ACVR1B: variants seen among roughly 807,000 people sequenced by gnomAD.
ACVR1B encodes the protein activin receptor type-1B.
In ACVR1B, 15 loss-of-function variants were observed where a neutral mutation model predicts 55.6. The ratio of observed to expected loss-of-function variants is 0.27; its 90% confidence interval spans 0.18 to 0.42. The LOEUF is 0.42. Among genes scored for constraint, ACVR1B ranks in the 10% least tolerant of loss-of-function variants. The pLI is 1.00. For missense variants in ACVR1B, 359 were observed against 670.1 expected, an observed-to-expected ratio of 0.54 and a Z score of 5.13; for synonymous variants, 247 against 254.6, an observed-to-expected ratio of 0.97 and a Z score of 0.28.
At chr12:51,966,990 C>T (rs562689771) in intron 1 of ACVR1B, among the ~76,000 whole-genome samples, 37 of 152,288 alleles carry the variant, frequency 2.4e-4, no homozygotes, top group Admixed American at 1.4e-3. Flanking sequence ...CCTGTAATCC[C>T]AGCACTTTGG....
chr12:51,973,628 CTT>C, intron 1 of ACVR1B, among the ~76,000 whole-genome samples: 2 of 152,292 alleles, frequency 1.3e-5, no homozygotes, highest in South Asian at 4.2e-4. Context: ...GAGAAATTTA[CTT>C]TTAAAAATCC....
rs780380826 is a variant in ACVR1B, at chr12:51,981,941, C to T, written c.811+742C>T. On this transcript the variant is annotated intron_variant, in intron 4 of 8. Coordinates refer to ENST00000257963, the MANE Select transcript of ACVR1B (RefSeq NM_004302.5). ...TAACGACAGAAAAGCCTGTAGTCCA[C>T]GAAGTGTCGCCTTCGGACTCTGCTC... Among the ~76,000 whole-genome samples the T allele has an allele frequency of 5.3e-5, 8 of 152,206 alleles. No individual in the cohort carries two copies. In the South Asian group the frequency reaches 1.2e-3, roughly 24 times the overall value.
intron 1 of ACVR1B, among the ~76,000 whole-genome samples, chr12:51,957,135 C>T (rs1941426673): frequency 6.6e-6 from 1 of 151,962 alleles, no homozygotes; most frequent in Admixed American, 6.6e-5. Context: ...TGCTCTGTCA[C>T]CCAGGCTGTA....
chr12:51,953,601 A>C, intron 1 of ACVR1B: 1 of 919,752 alleles, frequency 1.1e-6, no homozygotes, highest in Middle Eastern at 5.5e-4. Flanking sequence ...TAGTAAAAAA[A>C]AAAAAAAAGG....
chr12:51,952,116 C>T (rs1031883456), intron 1 of ACVR1B, among the ~76,000 whole-genome samples: 3 of 152,094 alleles, frequency 2.0e-5, no homozygotes, highest in Admixed American at 6.5e-5. Context: ...TCCCAGCGCC[C>T]TCGTGTTCCA....
Position 51,980,717 on chromosome 12 carries a change from T to C in ACVR1B, c.581-252T>C, listed in dbSNP as rs149398446. On this transcript the variant is annotated intron_variant, in intron 3 of 8. Coordinates refer to ENST00000257963, the MANE Select transcript of ACVR1B (RefSeq NM_004302.5). The stretch of plus-strand genomic sequence containing the variant: ...ATCCGTGCTTACTGAGAGGAGAAAT[T>C]GCCTAGATAAGGAGTAGCTAATCAT... 5.9e-5 allele frequency among the ~76,000 whole-genome samples: 9 copies of C among 152,324 alleles called. No homozygotes were observed. The East Asian group carries it at 1.7e-3, about 29-fold the overall frequency.
In ACVR1B at chr12:51,983,987, G is replaced by A. The variant is rs751273698; in HGVS notation, c.812-12G>A. On this transcript the variant is annotated splice_polypyrimidine_tract_variant and intron_variant, in intron 4 of 8. Transcript: ENST00000257963. ...TACACTTTTTCTGGGACTCATCTGT[G>A]GTTCTCTGCAGATAATGGCACCTGG... 1.2e-6 allele frequency: 2 copies of A among 1,614,076 alleles called. No individual in the cohort carries two copies. The highest frequency in any genetic ancestry group is 3.3e-5 in the Admixed American group (2 of 60,024).
intron 1 of ACVR1B, among the ~76,000 whole-genome samples, chr12:51,974,212 C>T (rs1941800811): frequency 1.3e-5 from 2 of 152,180 alleles, no homozygotes; most frequent in Admixed American, 1.3e-4. Flanking sequence ...TTCCGAGCCC[C>T]AGCCTCAGTG....
chr12:51,971,656 T>C lies in ACVR1B; in HGVS notation c.92-3609T>C, dbSNP rs79660488. 4.3e-4 allele frequency among the ~76,000 whole-genome samples: 66 copies of C among 152,330 alleles called. 2 individuals carry two copies. In the East Asian group the frequency reaches 0.011, roughly 26 times the overall value. On this transcript the variant is annotated intron_variant, in intron 1 of 8. Coordinates refer to ENST00000257963, the MANE Select transcript of ACVR1B (RefSeq NM_004302.5). ...AAGATTTACAGTAAATTTAGATGTT[T>C]TTATAATTTATCACTTTTGTTTCAG...
chr12:51,970,107 G>A lies in ACVR1B; in HGVS notation c.92-5158G>A, dbSNP rs139605986. On this transcript the variant is annotated intron_variant, in intron 1 of 8. Transcript: ENST00000257963. ...GCTCTTTGGTCAGAAAACCAATAGC[G>A]CATTTGATACGGGGAGGGTAAGAAT... is the stretch of plus-strand genomic sequence containing the variant. Among the ~76,000 whole-genome samples the A allele has an allele frequency of 6.6e-5, 10 of 152,276 alleles. No homozygotes were observed. In the East Asian group the frequency reaches 1.7e-3, roughly 26 times the overall value.
At chr12:51,984,780 C>T (rs918058486) in intron 5 of ACVR1B, among the ~76,000 whole-genome samples, 21 of 152,232 alleles carry the variant, frequency 1.4e-4, no homozygotes, top group African/African-American at 5.1e-4. Flanking sequence ...TTCCTATAGC[C>T]TGTGCGGTGC....
Position 51,994,177 on chromosome 12 carries a change from C to T in ACVR1B, c.*67C>T, listed in dbSNP as rs900472761. The T allele has an allele frequency of 7.6e-6, 12 of 1,579,238 alleles. No individual in the cohort carries two copies. The African/African-American group carries it at 8.1e-5, about 11-fold the overall frequency. ...ACGCACAGCTGCCGCGTTGAGCGTACGATGGAGGCCTACCTCTCGTTTCTG... is the reference window on the plus strand; with the variant it reads ...ACGCACAGCTGCCGCGTTGAGCGTATGATGGAGGCCTACCTCTCGTTTCTG... On this transcript the variant is annotated 3_prime_UTR_variant, in exon 9 of 9. Transcript: ENST00000257963. This position sits in a 1 kb window ranked among gnomAD's most constrained non-coding sequence, Gnocchi z 4.2.
chr12:51,952,875 AC>A (rs944951631), intron 1 of ACVR1B, among the ~76,000 whole-genome samples: 8 of 96,718 alleles, frequency 8.3e-5, no homozygotes, highest in African/African-American at 2.5e-4. Context: ...GCCTTATACC[AC>A]CCCCCCACTC....
chr12:51,991,825 C>G lies in ACVR1B; in HGVS notation c.1262-38C>G, dbSNP rs115149888. 4 of 1,597,068 alleles carry G rather than the reference C, an allele frequency of 2.5e-6. No homozygotes were observed. In the South Asian group the frequency reaches 3.4e-5, roughly 13 times the overall value. Reference sequence around the variant, plus strand: ...CCGGCTTCTGAGTAATCTTTTCCTGCTGTTGATAACTCAGGTAGATACTTT... The same window carrying G: ...CCGGCTTCTGAGTAATCTTTTCCTGGTGTTGATAACTCAGGTAGATACTTT... On this transcript the variant is annotated intron_variant, in intron 7 of 8. Coordinates refer to ENST00000257963, the MANE Select transcript of ACVR1B (RefSeq NM_004302.5).
intron 7 of ACVR1B, among the ~76,000 whole-genome samples, chr12:51,988,041 G>C (rs1476351951): frequency 1.3e-5 from 2 of 152,186 alleles, no homozygotes; most frequent in African/African-American, 2.4e-5. Flanking sequence ...TCTTCCAGCA[G>C]AACTGTTTTG....
At chr12:51,964,950 A>G (rs2120502935) in intron 1 of ACVR1B, among the ~76,000 whole-genome samples, 1 of 152,056 alleles carries the variant, frequency 6.6e-6, no homozygotes, top group South Asian at 2.1e-4. Flanking sequence ...GGTCACTTGC[A>G]ATTCCATATG....
At chr12:51,992,031 G>A (rs749452286) in intron 8 of ACVR1B, 38 bp downstream of exon 8, 1 of 1,614,024 alleles carries the variant, frequency 6.2e-7, no homozygotes, top group African/African-American at 1.3e-5. Context: ...CCATCAGCCT[G>A]ATTTCTCCAC....
Position 51,995,989 on chromosome 12 carries a change from C to G in ACVR1B, c.*1879C>G, listed in dbSNP as rs1942289480. 6.6e-6 allele frequency: 1 copy of G among 152,530 alleles called. No individual in the cohort carries two copies. The highest frequency in any genetic ancestry group is 1.5e-5 in the Non-Finnish European group (1 of 68,048). 9.4% of individuals were successfully genotyped at this position (152,530 alleles called of 1,614,324 possible). A position where few individuals can be genotyped will look rare whatever the true frequency, so the allele number is the denominator to read the frequency against. On this transcript the variant is annotated 3_prime_UTR_variant, in exon 9 of 9. Transcript: ENST00000257963. ...GGACAAGACATGCTTGGGTCCTACT[C>G]CTGGAGCACTGTAAAAAGAGCTGAT...
At chr12:51,954,300 G>A (rs1051411384) in intron 1 of ACVR1B, among the ~76,000 whole-genome samples, 4 of 152,192 alleles carry the variant, frequency 2.6e-5, no homozygotes, top group Non-Finnish European at 5.9e-5. Flanking sequence ...AATAGCATCC[G>A]TTTGATAGGT....
Sources: gnomAD v4.1 joint callset for allele counts (sites outside exome capture counted in the v4.1 genomes callset) on GRCh38, gnomAD v4.1.1 for gene constraint, Gnocchi (gnomAD v3.1) non-coding constraint, MANE v1.5 for transcripts, NCBI Gene and HGNC (gene_info 2026-07-23, HGNC 2026-07-21) for gene names.